The following CRISP1 variants were observed in gnomAD, a reference collection of about 807,000 sequenced individuals.
CRISP1 encodes cysteine rich secretory protein 1, also known as cysteine-rich secretory protein 1.
CRISP1 carries 44 observed loss-of-function variants against 33.1 expected under a neutral mutation model. That is an observed-to-expected ratio of 1.33 (90% confidence interval 1.05 to 1.71). The LOEUF (loss-of-function observed/expected upper bound fraction) is 1.71, where lower values mean the gene tolerates loss of function less well. Among genes scored for constraint, CRISP1 ranks in the 40% most tolerant of loss-of-function variants. The pLI, the probability that CRISP1 is intolerant of heterozygous loss-of-function variation, is 0.00. For synonymous variants in CRISP1, 103 were observed against 98.7 expected (o/e 1.04, Z -0.26); for missense variants, 390 against 301.2 (o/e 1.29, Z -2.18).
intron 5 of CRISP1, among the ~76,000 whole-genome samples, chr6:49,843,341 C>A (rs1286493709): frequency 6.6e-6 from 1 of 152,148 alleles, no homozygotes; most frequent in East Asian, 1.9e-4. Flanking sequence ...AGGATTTCTG[C>A]ATTAATTTCT....
intron 2 of CRISP1, among the ~76,000 whole-genome samples, chr6:49,855,697 A>C (rs1327154803): frequency 6.6e-6 from 1 of 152,162 alleles, no homozygotes; most frequent in East Asian, 1.9e-4. Flanking sequence ...TGTCATGGAA[A>C]ATTACCTATA....
At chr6:49,858,280 T>G (rs1771548742) in intron 1 of CRISP1, among the ~76,000 whole-genome samples, 1 of 152,188 alleles carries the variant, frequency 6.6e-6, no homozygotes, top group African/African-American at 2.4e-5. Flanking sequence ...CTCTAGGATA[T>G]TAATAAGTAT....
At position 49,848,251 on chromosome 6, in the gene CRISP1, A is replaced by G; in HGVS notation, c.244T>C (p.Cys82Arg). The G allele has an allele frequency of 6.2e-7, 1 of 1,608,762 alleles. No individual in the cohort carries two copies. The highest frequency in any genetic ancestry group is 2.2e-5 in the East Asian group (1 of 44,632). Reference protein sequence around the residue: ...AQNARIFSKYCDMTESNPLER... With the variant: ...AQNARIFSKYRDMTESNPLER... ...AGGGGGTTGCTCTCTGTCATATCAC[A>G]ATACTTTGAAAAAATTCTGGCATTT... Residue 82 changes from cysteine (C) to arginine (R), a missense_variant, in exon 4 of 8, where the codon TGT (cysteine) becomes CGT (arginine). Coordinates refer to ENST00000335847, the MANE Select transcript of CRISP1 (RefSeq NM_001131.3).
At chr6:49,859,365 G>A (rs1003988349) in intron 1 of CRISP1, among the ~76,000 whole-genome samples, 3 of 150,814 alleles carry the variant, frequency 2.0e-5, no homozygotes, top group Non-Finnish European at 4.4e-5. Flanking sequence ...CCTAGCTGCT[G>A]CTGCCAGAGA....
chr6:49,847,026 T>C (rs1285167452), intron 4 of CRISP1, among the ~76,000 whole-genome samples: 1 of 152,158 alleles, frequency 6.6e-6, no homozygotes, highest in Non-Finnish European at 1.5e-5. Flanking sequence ...GTGTTCATAA[T>C]ACAAAGATGT....
chr6:49,863,669 T>G (rs1384227559), intron 1 of CRISP1, among the ~76,000 whole-genome samples: 1 of 152,192 alleles, frequency 6.6e-6, no homozygotes, highest in Non-Finnish European at 1.5e-5. Context: ...AGATCAAAGA[T>G]GAGGGAAAAG....
In CRISP1 at chr6:49,834,293, A is replaced by G. The variant is rs1770707776; in HGVS notation, c.*1023T>C. 6.6e-6 allele frequency: 1 copy of G among 151,622 alleles called. No homozygotes were observed. The highest frequency in any genetic ancestry group is 2.4e-5 in the African/African-American group (1 of 41,308). 9.4% of individuals were successfully genotyped at this position (151,622 alleles called of 1,614,324 possible). A position where few individuals can be genotyped will look rare whatever the true frequency, so the allele number is the denominator to read the frequency against. The stretch of plus-strand genomic sequence containing the variant: ...TTTCAAACACTTTATTGAAATGAGT[A>G]AAGAAATATACAAGTAGGTAGAACT... On this transcript the variant is annotated 3_prime_UTR_variant, in exon 8 of 8. Coordinates refer to ENST00000335847, the MANE Select transcript of CRISP1 (RefSeq NM_001131.3).
In CRISP1 at chr6:49,846,585, T is replaced by C; in HGVS notation, c.370A>G (p.Thr124Ala). Residue 124 changes from threonine (T) to alanine (A), a missense_variant, in exon 5 of 8, where the codon ACA becomes GCA. Transcript: ENST00000335847. ...SVIGVWYSES[T>A]SFKHGEWTTT... ...GTCCATTCTCCATGTTTGAAACTTG[T>C]AGACTCACTGTACCAGACTCCAATT... 6.2e-7 allele frequency: 1 copy of C among 1,613,592 alleles called. No homozygotes were observed. The highest frequency in any genetic ancestry group is 1.3e-5 in the African/African-American group (1 of 75,018).
chr6:49,857,194 C>T, intron 2 of CRISP1, 141 bp downstream of exon 2: 1 of 689,880 alleles, frequency 1.4e-6, no homozygotes, highest in African/African-American at 1.8e-5. Context: ...GAGTACTTGC[C>T]TAACAGGGCT....
intron 5 of CRISP1, among the ~76,000 whole-genome samples, chr6:49,845,050 G>A (rs955836809): frequency 1.3e-5 from 2 of 152,030 alleles, no homozygotes; most frequent in South Asian, 4.1e-4. Context: ...TGTTGGGGAG[G>A]GGCAATGGTA....
rs1770776451 is a variant in CRISP1, at chr6:49,835,962, C to A, written c.623-519G>T. On this transcript the variant is annotated intron_variant, in intron 7 of 7. Coordinates refer to ENST00000335847, the MANE Select transcript of CRISP1 (RefSeq NM_001131.3). Reference sequence around the variant, plus strand: ...GTGATTTTTCTCACCTTGCTCTATCCCATGGATGTGCACGCACCTACATCC... The same window carrying A: ...GTGATTTTTCTCACCTTGCTCTATCACATGGATGTGCACGCACCTACATCC... Among the ~76,000 whole-genome samples the A allele has an allele frequency of 2.0e-5, 3 of 152,220 alleles. No individual in the cohort carries two copies. In the South Asian group the frequency reaches 6.2e-4, roughly 32 times the overall value.
At position 49,838,354 on chromosome 6, in the gene CRISP1, GT is replaced by G. The variant is rs1291289157; in HGVS notation, c.622+82del. On this transcript the variant is annotated intron_variant, in intron 7 of 7. Coordinates refer to ENST00000335847, the MANE Select transcript of CRISP1 (RefSeq NM_001131.3). ...GATGAAAGTTGTAGAAAAGTGCGAT[GT>G]TTTTTAATGCTTAATTTAAAGGATG... 10 of 1,023,650 alleles carry G rather than the reference GT, an allele frequency of 9.8e-6. No homozygotes were observed. The Admixed American group carries it at 1.3e-4, about 14-fold the overall frequency. 63.4% of individuals were successfully genotyped at this position (1,023,650 alleles called of 1,614,324 possible). A position where few individuals can be genotyped will look rare whatever the true frequency, so the allele number is the denominator to read the frequency against.
chr6:49,855,891 C>G (rs1316120319), intron 2 of CRISP1, among the ~76,000 whole-genome samples: 1 of 152,094 alleles, frequency 6.6e-6, no homozygotes, highest in Non-Finnish European at 1.5e-5. Context: ...TTTACTTTAA[C>G]TCAGACTCAT....
intron 5 of CRISP1, among the ~76,000 whole-genome samples, chr6:49,842,985 G>A (rs372051898): frequency 6.6e-6 from 1 of 152,122 alleles, no homozygotes; most frequent in Non-Finnish European, 1.5e-5. Flanking sequence ...TTGATAAAAC[G>A]TGTTCTATTT....
chr6:49,850,824 T>C (rs1009552182), intron 3 of CRISP1, among the ~76,000 whole-genome samples: 1 of 152,114 alleles, frequency 6.6e-6, no homozygotes, highest in Non-Finnish European at 1.5e-5. Flanking sequence ...TGTTTGTACC[T>C]CCTAGGTAAA....
intron 2 of CRISP1, among the ~76,000 whole-genome samples, chr6:49,856,937 C>T (rs996897488): frequency 2.6e-5 from 4 of 152,064 alleles, no homozygotes; most frequent in African/African-American, 9.7e-5. Context: ...CTGTTGGCAC[C>T]TTTCCATTTT....
Position 49,844,932 on chromosome 6 carries a change from G to A in CRISP1, c.435+1588C>T, listed in dbSNP as rs535918902. Among the ~76,000 whole-genome samples, 1,335 of 152,162 alleles carry A rather than the reference G, an allele frequency of 8.8e-3. 19 individuals carry two copies. Among genetic ancestry groups the A allele is most frequent in the African/African-American group, 0.03 (1,245 of 41,516 alleles). ...ATCTCATGCATTTAGATAATATTTA[G>A]GTAAGACTTTGGGCCTTAGACTTTA... On this transcript the variant is annotated intron_variant, in intron 5 of 7. Coordinates refer to ENST00000335847, the MANE Select transcript of CRISP1 (RefSeq NM_001131.3).
intron 5 of CRISP1, among the ~76,000 whole-genome samples, chr6:49,843,299 A>T (rs893300602): frequency 6.6e-6 from 1 of 152,216 alleles, no homozygotes; most frequent in African/African-American, 2.4e-5. Context: ...TATCAATCTT[A>T]AAAGAAAATG....
intron 1 of CRISP1, among the ~76,000 whole-genome samples, chr6:49,863,928 T>C (rs1169394892): frequency 1.3e-5 from 2 of 152,202 alleles, no homozygotes; most frequent in Non-Finnish European, 1.5e-5. Flanking sequence ...AACTTACATA[T>C]AACACAGCAT....
Sources: allele counts gnomAD v4.1 joint callset (sites outside exome capture counted in the v4.1 genomes callset), GRCh38; gene constraint gnomAD v4.1.1; transcripts MANE v1.5; gene names NCBI Gene and HGNC (gene_info 2026-07-23, HGNC 2026-07-21).